The following TEX10 variants were observed in gnomAD, a reference collection of about 807,000 sequenced individuals.
TEX10 encodes the protein testis expressed 10.
A neutral mutation model predicts 104.4 loss-of-function variants in TEX10; 24 were observed. That is an observed-to-expected ratio of 0.23 (90% confidence interval 0.17 to 0.32). The LOEUF is 0.32. TEX10 is among the 10% of genes least tolerant of loss of function. The pLI, the probability that TEX10 is intolerant of heterozygous loss-of-function variation, is 1.00. For missense variants in TEX10, 921 were observed against 1,083.9 expected (o/e 0.85, Z 2.11); for synonymous variants, 396 against 393.4 (o/e 1.01, Z -0.08).
At chr9:100,319,222 C>CA in intron 11 of TEX10, among the ~76,000 whole-genome samples, 1 of 151,740 alleles carries the variant, frequency 6.6e-6, no homozygotes, top group Non-Finnish European at 1.5e-5. Flanking sequence ...AACCAAACCC[C>CA]AAAACAGTAA....
At chr9:100,339,366 A>ATATATT (rs79518068) in intron 5 of TEX10, among the ~76,000 whole-genome samples, 86,986 of 138,810 alleles carry the variant, frequency 0.63, 29,110 homozygotes, top group East Asian at 0.89. Context: ...ATATATTTAT[A>ATATATT]TATATTTATA....
At chr9:100,325,316 A>G (rs981775609) in intron 9 of TEX10, among the ~76,000 whole-genome samples, 1 of 152,226 alleles carries the variant, frequency 6.6e-6, no homozygotes, top group Non-Finnish European at 1.5e-5. Flanking sequence ...AGATATATAC[A>G]TGAGGATACT....
chr9:100,329,294 C>T lies in TEX10; in HGVS notation c.1490-19G>A. ...GTGTCCTCTACAAACAGAAAGAAAA[C>T]AACTTGCATATGAATCAAAAAATGT... is the stretch of plus-strand genomic sequence containing the variant. On this transcript the variant is annotated intron_variant, in intron 6 of 14. Coordinates refer to ENST00000374902, the MANE Select transcript of TEX10 (RefSeq NM_017746.4). The T allele has an allele frequency of 6.3e-7, 1 of 1,585,056 alleles. No homozygotes were observed. The highest frequency in any genetic ancestry group is 8.5e-7 in the Non-Finnish European group (1 of 1,173,754).
chr9:100,336,223 T>C (rs1406900957), intron 5 of TEX10, among the ~76,000 whole-genome samples: 3 of 152,106 alleles, frequency 2.0e-5, no homozygotes, highest in Non-Finnish European at 4.4e-5. Flanking sequence ...GGTACCTGAA[T>C]AAGAAGTGCA....
chr9:100,314,195 C>G (rs183970442), intron 11 of TEX10, among the ~76,000 whole-genome samples: 1 of 151,148 alleles, frequency 6.6e-6, no homozygotes, highest in Admixed American at 6.6e-5. Flanking sequence ...TTAAGCAATT[C>G]TCCTGCCTCA....
intron 5 of TEX10, among the ~76,000 whole-genome samples, chr9:100,339,490 A>T (rs1284482013): frequency 6.6e-6 from 1 of 151,576 alleles, no homozygotes; most frequent in Non-Finnish European, 1.5e-5. Context: ...ACAAATATTT[A>T]GTGCATGAAT....
chr9:100,311,527 T>C (rs1199475192), intron 11 of TEX10, among the ~76,000 whole-genome samples: 1 of 152,228 alleles, frequency 6.6e-6, no homozygotes, highest in East Asian at 1.9e-4. Context: ...ATCTGAGTGA[T>C]ATGAACAAAG....
chr9:100,308,622 C>T lies in TEX10; in HGVS notation c.2343G>A (p.Lys781=). ...TAACTACACAAGTATGATCCAGGAG[C>T]TTACAGATAACACCAAAAACACAGC... is the stretch of plus-strand genomic sequence containing the variant. The part of the protein sequence containing the change: ...TAGCVFGVIC[K]LLDHTCVVSE... Residue 781 remains lysine (K), a synonymous_variant, in exon 13 of 15, where the codon AAG becomes AAA. Coordinates refer to ENST00000374902, the MANE Select transcript of TEX10 (RefSeq NM_017746.4). 6.2e-7 allele frequency: 1 copy of T among 1,611,452 alleles called. No individual in the cohort carries two copies. The highest frequency in any genetic ancestry group is 8.5e-7 in the Non-Finnish European group (1 of 1,178,696).
At chr9:100,321,359 A>G (rs1834567193) in intron 10 of TEX10, among the ~76,000 whole-genome samples, 1 of 152,218 alleles carries the variant, frequency 6.6e-6, no homozygotes, top group South Asian at 2.1e-4. Context: ...AAATATTCAA[A>G]TAATACATTT....
At chr9:100,352,390 T>G in intron 1 of TEX10, 1 of 1,551,702 alleles carries the variant, frequency 6.4e-7, no homozygotes, top group Non-Finnish European at 8.7e-7. Context: ...CCGTATTCGG[T>G]CCTGCATCCA....
intron 5 of TEX10, among the ~76,000 whole-genome samples, chr9:100,331,687 C>T (rs922181587): frequency 1.3e-5 from 2 of 152,146 alleles, no homozygotes; most frequent in Non-Finnish European, 2.9e-5. Flanking sequence ...CTAAAGACAT[C>T]AAAATTAATT....
At chr9:100,337,055 G>A (rs1176205157) in intron 5 of TEX10, among the ~76,000 whole-genome samples, 1 of 152,098 alleles carries the variant, frequency 6.6e-6, no homozygotes, top group Non-Finnish European at 1.5e-5. Context: ...CTCTAAGATG[G>A]TCCTCCCCTC....
At chr9:100,303,317 TCA>T in intron 14 of TEX10, among the ~76,000 whole-genome samples, 1 of 152,256 alleles carries the variant, frequency 6.6e-6, no homozygotes, top group Non-Finnish European at 1.5e-5. Flanking sequence ...AGAGTCTGTA[TCA>T]CAGTCTAGGT....
At chr9:100,343,446 G>A (rs1281448613) in intron 4 of TEX10, among the ~76,000 whole-genome samples, 2 of 149,902 alleles carry the variant, frequency 1.3e-5, no homozygotes, top group Non-Finnish European at 3.0e-5. Flanking sequence ...TATATGAACA[G>A]GAAAAAAAAA....
chr9:100,303,056 A>T (rs754384169), intron 14 of TEX10, among the ~76,000 whole-genome samples: 2 of 152,076 alleles, frequency 1.3e-5, no homozygotes, highest in African/African-American at 2.4e-5. Flanking sequence ...TGATTTTCTT[A>T]CTTTAGAGTG....
At position 100,346,928 on chromosome 9, in the gene TEX10, G is replaced by A. The variant is rs751449521; in HGVS notation, c.659C>T (p.Ser220Phe). Reference sequence around the variant, plus strand: ...TAAGACTTTCAGCCTCCATTGCTGAGAAGTGAGTCTCCGATTAGGATTTAC... The same window carrying A: ...TAAGACTTTCAGCCTCCATTGCTGAAAAGTGAGTCTCCGATTAGGATTTAC... ...LSVNPNRRLT[S>F]QQWRLKVLVR... Residue 220 changes from serine to phenylalanine, a missense_variant, in exon 3 of 15, where the codon TCT becomes TTT. By Grantham distance (155) the Ser-to-Phe change is radical (BLOSUM62 -2). Transcript: ENST00000374902. 2.8e-5 allele frequency: 45 copies of A among 1,614,184 alleles called. No homozygotes were observed. The highest frequency in any genetic ancestry group is 3.6e-5 in the Non-Finnish European group (43 of 1,180,016).
chr9:100,318,946 C>A (rs942265123), intron 11 of TEX10, among the ~76,000 whole-genome samples: 1 of 152,196 alleles, frequency 6.6e-6, no homozygotes, highest in African/African-American at 2.4e-5. Context: ...AATCTCAGCA[C>A]TTTGGGAAGC....
chr9:100,348,483 G>A (rs759378319), intron 2 of TEX10, among the ~76,000 whole-genome samples: 11 of 152,164 alleles, frequency 7.2e-5, no homozygotes, highest in Non-Finnish European at 1.5e-4. Context: ...TTGACTTCAA[G>A]TATTTACTAC....
intron 7 of TEX10, 88 bp downstream of exon 7, chr9:100,329,052 G>T: frequency 1.5e-6 from 2 of 1,338,360 alleles, no homozygotes; most frequent in Non-Finnish European, 2.0e-6. Context: ...CTTCTCCAAA[G>T]ATTTAATCTC....
Sources: allele counts gnomAD v4.1 joint callset (sites outside exome capture counted in the v4.1 genomes callset), GRCh38; gene constraint gnomAD v4.1.1; transcripts MANE v1.5; gene names NCBI Gene and HGNC (gene_info 2026-07-23, HGNC 2026-07-21).